Variants in SHISA9 observed in about 807,000 individuals in gnomAD.
SHISA9 encodes shisa family member 9.
SHISA9 carries 13 observed loss-of-function variants against 38.0 expected under a neutral mutation model. The ratio of observed to expected loss-of-function variants is 0.34; its 90% CI spans 0.22 to 0.54. The LOEUF (loss-of-function observed/expected upper bound fraction) is 0.54, where lower values mean the gene tolerates loss of function less well. SHISA9 is among the 20% of genes least tolerant of loss of function. The pLI, the probability that SHISA9 is intolerant of heterozygous loss-of-function variation, is 0.91. For synonymous variants in SHISA9, 275 were observed against 242.0 expected (o/e 1.14, Z -1.27); for missense variants, 538 against 575.8 (o/e 0.93, Z 0.67).
At chr16:13,410,762 A>T in the SHISA9 span, among the ~76,000 whole-genome samples, 1 of 152,208 alleles carries the variant, frequency 6.6e-6, no homozygotes, top group Admixed American at 6.5e-5. Context: ...GTTTGCTCAA[A>T]GAGCTGGTGT....
chr16:13,271,389 A>C, the SHISA9 span, among the ~76,000 whole-genome samples: 1 of 152,102 alleles, frequency 6.6e-6, no homozygotes, highest in African/African-American at 2.4e-5. Context: ...AGGCTTGAGA[A>C]CCACAGATGT....
chr16:13,360,960 A>C, the SHISA9 span, among the ~76,000 whole-genome samples: 1 of 152,070 alleles, frequency 6.6e-6, no homozygotes, highest in Non-Finnish European at 1.5e-5. Flanking sequence ...TCCCCTTCTC[A>C]CTTGCTCTAC....
the SHISA9 span, among the ~76,000 whole-genome samples, chr16:13,506,655 G>A: frequency 0.29 from 43,838 of 152,008 alleles, 6,863 homozygotes; most frequent in East Asian, 0.38. Context: ...GAGCGCCTGC[G>A]TGAAGTGAGA....
chr16:13,045,742 T>C (rs1293197041), intron 2 of SHISA9, among the ~76,000 whole-genome samples: 1 of 116,884 alleles, frequency 8.6e-6, no homozygotes, highest in Non-Finnish European at 1.9e-5. Flanking sequence ...GGGGAGCTTT[T>C]GTGCTGTCCC....
the SHISA9 span, among the ~76,000 whole-genome samples, chr16:13,363,976 G>A: frequency 6.6e-6 from 1 of 152,172 alleles, no homozygotes; most frequent in African/African-American, 2.4e-5. Flanking sequence ...CCAGCAATCT[G>A]TATTTTAACA....
intron 2 of SHISA9, among the ~76,000 whole-genome samples, chr16:13,003,889 T>TAAGAAGAAG (rs59904952): frequency 4.5e-4 from 65 of 145,872 alleles, no homozygotes; most frequent in Non-Finnish European, 7.2e-4. Flanking sequence ...ATAATAATAA[T>TAAGAAGAAG]AAGAAGAAGA....
chr16:13,388,718 T>C, the SHISA9 span, among the ~76,000 whole-genome samples: 203 of 152,160 alleles, frequency 1.3e-3, 3 homozygotes, highest in African/African-American at 4.4e-3. Context: ...GTCTGTAAAA[T>C]TGAAAAATCT....
the SHISA9 span, among the ~76,000 whole-genome samples, chr16:13,448,111 C>T: frequency 1.3e-5 from 2 of 152,204 alleles, no homozygotes; most frequent in Non-Finnish European, 2.9e-5. Context: ...CAGACACATA[C>T]ACCATCGGAC....
the SHISA9 span, among the ~76,000 whole-genome samples, chr16:13,368,628 A>G: frequency 1.4e-3 from 219 of 151,992 alleles, 1 homozygote; most frequent in African/African-American, 2.7e-3. Context: ...GGTGTGCTGT[A>G]TTGATCAGAG....
intron 2 of SHISA9, among the ~76,000 whole-genome samples, chr16:12,932,399 T>G (rs899881578): frequency 6.6e-6 from 1 of 152,152 alleles, no homozygotes; most frequent in African/African-American, 2.4e-5. Flanking sequence ...TGGAGTGCAG[T>G]GGTGCGATCT....
At chr16:13,111,938 A>T (rs2073982335) in intron 2 of SHISA9, among the ~76,000 whole-genome samples, 1 of 152,184 alleles carries the variant, frequency 6.6e-6, no homozygotes, top group Admixed American at 6.5e-5. Flanking sequence ...GAGAAAACTG[A>T]GGCTCAGAGA....
At chr16:13,102,572 C>T (rs556860636) in intron 2 of SHISA9, among the ~76,000 whole-genome samples, 3 of 152,292 alleles carry the variant, frequency 2.0e-5, no homozygotes, top group East Asian at 3.9e-4. Context: ...GCAACTTTAT[C>T]ACACAGCAAA....
the SHISA9 span, among the ~76,000 whole-genome samples, chr16:13,452,451 C>T: frequency 1.6e-4 from 25 of 152,208 alleles, no homozygotes; most frequent in African/African-American, 5.5e-4. Flanking sequence ...AGCTGGCTTC[C>T]AGGTTTGTGA....
the SHISA9 span, among the ~76,000 whole-genome samples, chr16:13,264,905 C>G: frequency 6.6e-6 from 1 of 152,042 alleles, no homozygotes; most frequent in East Asian, 1.9e-4. Context: ...TCCTCCCTTT[C>G]CCCTCGCCTT....
At chr16:13,476,738 G>GGTTTTTTT in the SHISA9 span, among the ~76,000 whole-genome samples, 4 of 65,182 alleles carry the variant, frequency 6.1e-5, no homozygotes, top group African/African-American at 1.6e-4. Context: ...CCTGTTTTGT[G>GGTTTTTTT]TTTTTTTTTT....
chr16:13,169,739 T>C (rs2050668840), intron 2 of SHISA9, among the ~76,000 whole-genome samples: 1 of 152,176 alleles, frequency 6.6e-6, no homozygotes, highest in South Asian at 2.1e-4. Flanking sequence ...TCTTTAGCCT[T>C]CCCGAAAGCT....
the SHISA9 span, among the ~76,000 whole-genome samples, chr16:13,285,894 A>C: frequency 6.6e-6 from 1 of 152,000 alleles, no homozygotes; most frequent in Non-Finnish European, 1.5e-5. Flanking sequence ...GGTTGTTTTT[A>C]AGTATGTGTA....
chr16:13,401,021 G>A, the SHISA9 span, among the ~76,000 whole-genome samples: 1 of 152,148 alleles, frequency 6.6e-6, no homozygotes, highest in Non-Finnish European at 1.5e-5. Context: ...TGGGCCCTTA[G>A]GGAGTGTGCT....
chr16:12,997,309 C>T (rs1468032922), intron 2 of SHISA9, among the ~76,000 whole-genome samples: 1 of 151,678 alleles, frequency 6.6e-6, no homozygotes, highest in Non-Finnish European at 1.5e-5. Context: ...CTTGGTAATT[C>T]ATTCCTTTTA....
Sources: allele counts gnomAD v4.1 joint callset (sites outside exome capture counted in the v4.1 genomes callset), GRCh38; gene constraint gnomAD v4.1.1; transcripts MANE v1.5; gene names NCBI Gene and HGNC (gene_info 2026-07-23, HGNC 2026-07-21).